DNAH14: variants seen among roughly 807,000 people sequenced by gnomAD.
DNAH14 encodes the protein dynein axonemal heavy chain 14.
Under a neutral mutation model 520.9 loss-of-function variants are expected in DNAH14, and 478 were observed. The ratio of observed to expected loss-of-function variants is 0.92; its 90% CI spans 0.85 to 0.99. The LOEUF (loss-of-function observed/expected upper bound fraction) is 0.99, where lower values mean the gene tolerates loss of function less well. DNAH14 is among the 50% of genes least tolerant of loss of function. The pLI is 0.00. For missense variants in DNAH14, 4,831 were observed against 5,234.5 expected (o/e 0.92, Z 2.38); for synonymous variants, 1,581 against 1,757.2 (o/e 0.90, Z 2.51).
intron 41 of DNAH14, among the ~76,000 whole-genome samples, chr1:225,210,607 G>A (rs933386448): frequency 2.0e-5 from 3 of 152,040 alleles, no homozygotes; most frequent in Non-Finnish European, 4.4e-5. Flanking sequence ...TCCTTCTGCT[G>A]TCTCAGAAGA....
chr1:225,185,440 A>G lies in DNAH14; in HGVS notation c.5670+15A>G, dbSNP rs1386036484. On this transcript the variant is annotated intron_variant, in intron 37 of 85. Coordinates refer to ENST00000682510, the MANE Select transcript of DNAH14 (RefSeq NM_001367479.1). Reference sequence around the variant, plus strand: ...CTGCTTCAAAGGTAAATGTTCTGTTAAATAAAATGTTTCTCTATTTGTTCA... The same window carrying G: ...CTGCTTCAAAGGTAAATGTTCTGTTGAATAAAATGTTTCTCTATTTGTTCA... 6.6e-7 allele frequency: 1 copy of G among 1,514,072 alleles called. No individual in the cohort carries two copies. Among genetic ancestry groups the G allele is most frequent in the East Asian group, 2.6e-5 (1 of 38,734 alleles). The allele number at this position is 1,514,072 out of a possible 1,614,324, so 93.8% of individuals were successfully genotyped here. A position where few individuals can be genotyped will look rare whatever the true frequency, so the allele number is the denominator to read the frequency against.
intron 17 of DNAH14, among the ~76,000 whole-genome samples, chr1:225,070,960 T>G (rs1215563998): frequency 6.6e-6 from 1 of 152,210 alleles, no homozygotes; most frequent in Admixed American, 6.5e-5. Context: ...TTTTTATCTT[T>G]GTTGGTTTAA....
At chr1:225,045,780 CT>C (rs2067901966) in intron 15 of DNAH14, among the ~76,000 whole-genome samples, 1 of 152,074 alleles carries the variant, frequency 6.6e-6, no homozygotes, top group Admixed American at 6.5e-5. Flanking sequence ...AAAGTCATGT[CT>C]GCCAGGTTTC....
chr1:225,157,253 A>T (rs2081134158), intron 34 of DNAH14, among the ~76,000 whole-genome samples: 1 of 152,186 alleles, frequency 6.6e-6, no homozygotes, highest in South Asian at 2.1e-4. Context: ...ACATCTAGAG[A>T]ATTAACATCT....
At chr1:225,313,802 G>C (rs949665527) in intron 60 of DNAH14, among the ~76,000 whole-genome samples, 3 of 152,212 alleles carry the variant, frequency 2.0e-5, no homozygotes, top group Admixed American at 1.3e-4. Flanking sequence ...TGTGGTCTGA[G>C]AGACTGTTTG....
Position 225,102,020 on chromosome 1 carries a change from C to T in DNAH14, c.3867+1136C>T, listed in dbSNP as rs1364525108. ...ACTCGTCATTTAACATTAGGTATAT[C>T]TCCTAATGCTATCCCTCCCCCTCCC... On this transcript the variant is annotated intron_variant, in intron 23 of 85. Transcript: ENST00000682510. 2.7e-5 allele frequency among the ~76,000 whole-genome samples: 4 copies of T among 150,400 alleles called. No homozygotes were observed. The East Asian group carries it at 5.9e-4, about 22-fold the overall frequency.
intron 34 of DNAH14, among the ~76,000 whole-genome samples, chr1:225,156,585 C>G (rs2081058782): frequency 6.6e-6 from 1 of 152,104 alleles, no homozygotes; most frequent in African/African-American, 2.4e-5. Context: ...CACAATGACT[C>G]AAAGGTAGAC....
chr1:225,191,411 C>T (rs991507428), intron 37 of DNAH14, among the ~76,000 whole-genome samples: 3 of 151,886 alleles, frequency 2.0e-5, no homozygotes, highest in Admixed American at 6.6e-5. Context: ...TGCCTTCTGG[C>T]CTTTGTGCTT....
chr1:224,987,932 C>T (rs1444948936), intron 8 of DNAH14, among the ~76,000 whole-genome samples: 1 of 152,082 alleles, frequency 6.6e-6, no homozygotes, highest in Non-Finnish European at 1.5e-5. Flanking sequence ...GGTACATGTG[C>T]AGGACGTGCA....
chr1:225,394,720 T>A (rs533609388), intron 84 of DNAH14, among the ~76,000 whole-genome samples: 2 of 152,052 alleles, frequency 1.3e-5, no homozygotes, highest in African/African-American at 2.4e-5. Context: ...GGTGCGCATG[T>A]GTAATCCCAG....
At chr1:225,123,816 A>C (rs1422076679) in intron 27 of DNAH14, among the ~76,000 whole-genome samples, 1 of 151,934 alleles carries the variant, frequency 6.6e-6, no homozygotes, top group African/African-American at 2.4e-5. Flanking sequence ...GCAGTGGTAC[A>C]ATCTCAGCTC....
intron 48 of DNAH14, 80 bp from the exon 49 acceptor site, chr1:225,266,561 C>G: frequency 2.7e-6 from 3 of 1,129,766 alleles, no homozygotes; most frequent in Non-Finnish European, 3.5e-6. Flanking sequence ...TTGTGCTTAC[C>G]CCAACCATAA....
At position 225,273,118 on chromosome 1, in the gene DNAH14, G is replaced by A; in HGVS notation, c.8003G>A (p.Cys2668Tyr). 1.3e-6 allele frequency: 2 copies of A among 1,547,626 alleles called. No homozygotes were observed. Among genetic ancestry groups the A allele is most frequent in the Non-Finnish European group, 1.7e-6 (2 of 1,146,016 alleles). Residue 2668 changes from cysteine to tyrosine, a missense_variant, in exon 52 of 86, where the codon TGT becomes TAT. By Grantham distance (194) the Cys-to-Tyr change is radical (BLOSUM62 -2). Coordinates refer to ENST00000682510, the MANE Select transcript of DNAH14 (RefSeq NM_001367479.1). ...TTGCTTTCAAGGGAACTTGAGAACT[G>A]TTTTCAGGTAAATTTATATTTTAAA... is the stretch of plus-strand genomic sequence containing the variant. ...YRLLSRELEN[C>Y]FQIQWTQENL...
At chr1:225,325,429 G>A (rs2094640538) in intron 64 of DNAH14, among the ~76,000 whole-genome samples, 1 of 150,878 alleles carries the variant, frequency 6.6e-6, no homozygotes, top group African/African-American at 2.4e-5. Flanking sequence ...AGATTGCAGT[G>A]TGCCGAGATT....
At chr1:225,211,954 C>T (rs1047862128) in intron 41 of DNAH14, among the ~76,000 whole-genome samples, 5 of 151,412 alleles carry the variant, frequency 3.3e-5, no homozygotes, top group African/African-American at 7.3e-5. Context: ...ATGTGCACAA[C>T]GTGCAGGTTT....
intron 22 of DNAH14, among the ~76,000 whole-genome samples, chr1:225,100,445 A>T (rs1202593288): frequency 2.0e-5 from 3 of 152,168 alleles, no homozygotes; most frequent in Non-Finnish European, 4.4e-5. Context: ...TACTTACCTT[A>T]TGCAGAATTT....
chr1:225,013,737 G>A (rs1046970689), intron 10 of DNAH14, among the ~76,000 whole-genome samples: 1 of 152,078 alleles, frequency 6.6e-6, no homozygotes, highest in Non-Finnish European at 1.5e-5. Context: ...AACTTCCCAG[G>A]GGCTTTGTTT....
At chr1:225,264,175 T>C in intron 46 of DNAH14, 22 bp from the exon 47 acceptor site, 1 of 1,538,294 alleles carries the variant, frequency 6.5e-7, no homozygotes, top group Non-Finnish European at 8.8e-7. Context: ...TAATTTTGAA[T>C]CCTTAAAATA....
chr1:225,212,800 G>A (rs898377559), intron 41 of DNAH14, among the ~76,000 whole-genome samples: 5 of 152,010 alleles, frequency 3.3e-5, no homozygotes, highest in African/African-American at 7.3e-5. Flanking sequence ...TGTAGATTCT[G>A]GATATCAGCC....
Sources: allele counts gnomAD v4.1 joint callset (sites outside exome capture counted in the v4.1 genomes callset), GRCh38; gene constraint gnomAD v4.1.1; transcripts MANE v1.5; gene names NCBI Gene and HGNC (gene_info 2026-07-23, HGNC 2026-07-21).